HDX: variants seen among roughly 807,000 people sequenced by gnomAD.
HDX encodes the protein chromosome X open reading frame 43.
Under a neutral mutation model 45.2 loss-of-function variants are expected in HDX, and 19 were observed. The ratio of observed to expected loss-of-function variants is 0.42; its 90% CI spans 0.29 to 0.62. The LOEUF (loss-of-function observed/expected upper bound fraction) is 0.62. Ranked by LOEUF, HDX falls within the 20% of genes least tolerant of loss-of-function variation. The pLI, the probability that HDX is intolerant of heterozygous loss-of-function variation, is 0.20. For synonymous variants in HDX, 188 were observed against 172.8 expected (o/e 1.09, Z -0.69); for missense variants, 532 against 493.9 (o/e 1.08, Z -0.73).
chrX:84,498,230 T>C (rs935361743), intron 1 of HDX, among the ~76,000 whole-genome samples: 1 of 112,054 alleles, frequency 8.9e-6, no homozygotes, highest in African/African-American at 3.2e-5. Flanking sequence ...TATAATTTCA[T>C]GTATCCAGTT....
chrX:84,475,269 C>T lies in HDX; in HGVS notation c.129G>A (p.Leu43=). ...TACTTACCCTGACTACACTGAAGTC[C>T]AGCTTAGTCTCCTGTGCACACTGTA... ...LILQCAQETK[L]DFSVVRTWVG... Residue 43 remains leucine, a synonymous_variant, in exon 3 of 11, where the codon CTG becomes CTA. Transcript: ENST00000373177. 8.3e-7 allele frequency: 1 copy of T among 1,200,026 alleles called. No individual in the cohort carries two copies.
chrX:84,430,472 A>G (rs1345254490), intron 5 of HDX, among the ~76,000 whole-genome samples: 4 of 111,161 alleles, frequency 3.6e-5, no homozygotes, highest in Non-Finnish European at 7.6e-5. Flanking sequence ...TTAGTGCTGC[A>G]ATAAACATAT....
At chrX:84,412,750 A>C (rs1009330421) in intron 5 of HDX, among the ~76,000 whole-genome samples, 4 of 111,678 alleles carry the variant, frequency 3.6e-5, no homozygotes, top group African/African-American at 1.3e-4. Context: ...CATGGATGGG[A>C]TCCTCAAATA....
intron 5 of HDX, among the ~76,000 whole-genome samples, chrX:84,395,105 T>G (rs1428655451): frequency 9.0e-6 from 1 of 111,170 alleles, no homozygotes; most frequent in Non-Finnish European, 1.9e-5. Flanking sequence ...GCTTGGTGGT[T>G]TTCTGTAGTG....
chrX:84,475,380 T>C lies in HDX; in HGVS notation c.18A>G (p.Val6=). ...AAATCCTTTGTTGTTCTACAGTAAA[T>C]ACAGAACGTAGATTCATCTAAAAAT... The part of the protein sequence containing the change: MNLRS[V]FTVEQQRILQ... Residue 6 remains valine, a synonymous_variant, in exon 3 of 11, where the codon GTA becomes GTG. Transcript: ENST00000373177. 2 of 1,121,246 alleles carry C rather than the reference T, an allele frequency of 1.8e-6. No homozygotes were observed. The highest frequency in any genetic ancestry group is 2.4e-6 in the Non-Finnish European group (2 of 831,019). The allele number at this position is 1,121,246 out of a possible 1,213,427, so 92.4% of individuals were successfully genotyped here.
intron 5 of HDX, among the ~76,000 whole-genome samples, chrX:84,397,387 T>C (rs1025598189): frequency 1.8e-5 from 2 of 111,981 alleles, no homozygotes; most frequent in Admixed American, 9.4e-5. Flanking sequence ...GGAGGTCGGA[T>C]ACAGCACAAG....
intron 8 of HDX, 40 bp from the exon 9 acceptor site, chrX:84,333,882 C>T (rs368332022): frequency 2.5e-4 from 137 of 549,829 alleles, no homozygotes; most frequent in Non-Finnish European, 3.8e-4. Flanking sequence ...TATATCACAT[C>T]ATTCTTACTA....
chrX:84,495,882 T>C (rs1319858120), intron 1 of HDX, among the ~76,000 whole-genome samples: 1 of 111,628 alleles, frequency 9.0e-6, no homozygotes, highest in Admixed American at 9.5e-5. Flanking sequence ...GACTTGTGCC[T>C]TCTGGAACCA....
At position 84,489,008 on chromosome X, in the gene HDX, T is replaced by A. The variant is rs190414233; in HGVS notation, c.-109-876A>T. Among the ~76,000 whole-genome samples, 508 of 111,445 alleles carry A rather than the reference T, an allele frequency of 4.6e-3. 3 individuals are homozygous for A. Among genetic ancestry groups the A allele is most frequent in the African/African-American group, 0.016 (484 of 30,685 alleles). On this transcript the variant is annotated intron_variant, in intron 1 of 10. Coordinates refer to ENST00000373177, the MANE Select transcript of HDX (RefSeq NM_001177479.2). ...ACTCTTAATTTGCCGGGTTTTGTTGTTTTTCATTAGTTTGTTTTTTCTAAT... is the reference window on the plus strand; with the variant it reads ...ACTCTTAATTTGCCGGGTTTTGTTGATTTTCATTAGTTTGTTTTTTCTAAT...
At chrX:84,346,214 G>A (rs915351490) in intron 6 of HDX, among the ~76,000 whole-genome samples, 1 of 110,970 alleles carries the variant, frequency 9.0e-6, no homozygotes, top group African/African-American at 3.3e-5. Flanking sequence ...TGGCCCTGGT[G>A]GCTAGTGAGC....
intron 5 of HDX, among the ~76,000 whole-genome samples, chrX:84,423,689 T>C (rs1209592685): frequency 8.9e-6 from 1 of 111,793 alleles, no homozygotes; most frequent in Non-Finnish European, 1.9e-5. Flanking sequence ...AAATATCATA[T>C]CAACAGAATG....
intron 5 of HDX, among the ~76,000 whole-genome samples, chrX:84,374,206 T>G: frequency 9.0e-6 from 1 of 111,284 alleles, no homozygotes; most frequent in Non-Finnish European, 1.9e-5. Context: ...TTACAAGGGA[T>G]GTGAAGGACC....
intron 5 of HDX, among the ~76,000 whole-genome samples, chrX:84,426,367 T>C (rs1477038840): frequency 9.0e-6 from 1 of 111,142 alleles, no homozygotes. Context: ...TGCACTCTCA[T>C]GTCATTCACT....
intron 6 of HDX, among the ~76,000 whole-genome samples, chrX:84,360,396 A>G (rs2037592093): frequency 8.9e-6 from 1 of 112,072 alleles, no homozygotes; most frequent in Admixed American, 9.5e-5. Flanking sequence ...ACCTCATGTA[A>G]TTTTTAAACA....
At chrX:84,404,207 G>A (rs902778512) in intron 5 of HDX, among the ~76,000 whole-genome samples, 2 of 111,748 alleles carry the variant, frequency 1.8e-5, no homozygotes, top group Admixed American at 1.9e-4. Flanking sequence ...AGAATTGATT[G>A]ATTTAGATTT....
chrX:84,389,901 A>G (rs1042985174), intron 5 of HDX, among the ~76,000 whole-genome samples: 10 of 111,098 alleles, frequency 9.0e-5, no homozygotes, highest in Non-Finnish European at 1.3e-4. Context: ...CCCTGTATCT[A>G]GGATCCCATA....
At chrX:84,376,183 C>T (rs2038051894) in intron 5 of HDX, among the ~76,000 whole-genome samples, 1 of 111,913 alleles carries the variant, frequency 8.9e-6, no homozygotes, top group Admixed American at 9.5e-5. Context: ...TAGAAGCATC[C>T]ATGACCTACT....
At chrX:84,452,429 A>G (rs2040019449) in intron 4 of HDX, among the ~76,000 whole-genome samples, 1 of 110,799 alleles carries the variant, frequency 9.0e-6, no homozygotes, top group Non-Finnish European at 1.9e-5. Context: ...AAAAATAGCT[A>G]GGAATAAATT....
intron 4 of HDX, among the ~76,000 whole-genome samples, chrX:84,452,671 A>G (rs185904682): frequency 1.7e-3 from 193 of 111,595 alleles, no homozygotes; most frequent in African/African-American, 6.1e-3. Context: ...CCAGAAATAA[A>G]TCCACAACGG....
Sources: gnomAD v4.1 joint callset for allele counts (sites outside exome capture counted in the v4.1 genomes callset) on GRCh38, gnomAD v4.1.1 for gene constraint, MANE v1.5 for transcripts, NCBI Gene and HGNC (gene_info 2026-07-23, HGNC 2026-07-21) for gene names.